Variants in ATRNL1 observed in about 807,000 individuals in gnomAD.
The protein encoded by ATRNL1 is attractin like 1.
In ATRNL1, 95 loss-of-function variants were observed where a neutral mutation model predicts 182.7. The ratio of observed to expected loss-of-function variants is 0.52; its 90% CI spans 0.44 to 0.62. The LOEUF (loss-of-function observed/expected upper bound fraction) is 0.62. Among genes scored for constraint, ATRNL1 ranks in the 20% least tolerant of loss-of-function variants. The probability of loss-of-function intolerance (pLI) is 0.00; values close to 1 mark genes in which losing one functional copy is unlikely to be tolerated. For synonymous variants in ATRNL1, 576 were observed against 568.3 expected (o/e 1.01, Z -0.19); for missense variants, 1,471 against 1,679.5 (o/e 0.88, Z 2.17).
At chr10:115,872,673 C>G (rs1214650000) in intron 28 of ATRNL1, among the ~76,000 whole-genome samples, 7 of 152,166 alleles carry the variant, frequency 4.6e-5, no homozygotes, top group Admixed American at 4.6e-4. Context: ...GGTGAAGAAG[C>G]AGTGGACTGT....
chr10:115,339,786 T>A (rs114617327), intron 19 of ATRNL1, among the ~76,000 whole-genome samples: 1,965 of 152,284 alleles, frequency 0.013, 36 homozygotes, highest in African/African-American at 0.044. Flanking sequence ...TTCCAGATTT[T>A]AGAAGAAAGC....
At chr10:115,603,854 T>A (rs1856742890) in intron 26 of ATRNL1, among the ~76,000 whole-genome samples, 1 of 152,212 alleles carries the variant, frequency 6.6e-6, no homozygotes, top group Non-Finnish European at 1.5e-5. Context: ...GGCAACAGAT[T>A]CTTTCCACTT....
rs540062606 is a variant in ATRNL1, at chr10:115,343,218, T to A, written c.3175+8799T>A. Among the ~76,000 whole-genome samples, 7 of 152,284 alleles carry A rather than the reference T, an allele frequency of 4.6e-5. No homozygotes were observed. The East Asian group carries it at 1.4e-3, about 29-fold the overall frequency. On this transcript the variant is annotated intron_variant, in intron 19 of 28. Coordinates refer to ENST00000355044, the MANE Select transcript of ATRNL1 (RefSeq NM_207303.4). Reference sequence around the variant, plus strand: ...CCCCTTTGAATAAACTTTCTACCCTTATCTGTTTCACTTCTTCCTTTTTAA... The same window carrying A: ...CCCCTTTGAATAAACTTTCTACCCTAATCTGTTTCACTTCTTCCTTTTTAA...
chr10:115,103,240 T>G (rs564596527), intron 1 of ATRNL1, among the ~76,000 whole-genome samples: 6 of 152,254 alleles, frequency 3.9e-5, no homozygotes, highest in African/African-American at 1.4e-4. Context: ...GGTTTCGCCA[T>G]GTTGGCTAGG....
chr10:115,161,829 A>G (rs1421378990), intron 6 of ATRNL1, among the ~76,000 whole-genome samples: 1 of 152,074 alleles, frequency 6.6e-6, no homozygotes, highest in Non-Finnish European at 1.5e-5. Flanking sequence ...GTTCAATTGT[A>G]GGTAAGGATA....
At chr10:115,286,490 C>A in intron 15 of ATRNL1, 93 bp downstream of exon 15, 3 of 720,870 alleles carry the variant, frequency 4.2e-6, no homozygotes, top group Non-Finnish European at 6.3e-6. Context: ...ATTATTGTTG[C>A]TAATTTTGGA....
At chr10:115,729,907 C>T (rs1947737016) in intron 27 of ATRNL1, among the ~76,000 whole-genome samples, 1 of 151,816 alleles carries the variant, frequency 6.6e-6, no homozygotes, top group South Asian at 2.1e-4. Context: ...TAGTTGTTTG[C>T]TCATGCATTT....
At chr10:115,164,516 G>A (rs999844041) in intron 6 of ATRNL1, among the ~76,000 whole-genome samples, 3 of 152,078 alleles carry the variant, frequency 2.0e-5, no homozygotes, top group African/African-American at 7.2e-5. Context: ...ATATCAAAGC[G>A]ATATCTGCAC....
At chr10:115,718,880 A>G (rs1555056995) in intron 26 of ATRNL1, among the ~76,000 whole-genome samples, 1 of 152,222 alleles carries the variant, frequency 6.6e-6, no homozygotes, top group Non-Finnish European at 1.5e-5. Flanking sequence ...CACATGGTTC[A>G]GAAGAGTCTC....
chr10:115,324,876 T>A (rs1854788882), intron 18 of ATRNL1, among the ~76,000 whole-genome samples: 1 of 152,156 alleles, frequency 6.6e-6, no homozygotes, highest in Admixed American at 6.5e-5. Context: ...TAAAATTTGG[T>A]CGCTAGCTCA....
chr10:115,533,538 C>T (rs1330560246), intron 25 of ATRNL1, among the ~76,000 whole-genome samples: 1 of 151,888 alleles, frequency 6.6e-6, no homozygotes, highest in African/African-American at 2.4e-5. Context: ...TTTTGTTGAT[C>T]CTTTCAAAAA....
chr10:115,095,783 G>A (rs1554862977), intron 1 of ATRNL1, among the ~76,000 whole-genome samples: 1 of 152,082 alleles, frequency 6.6e-6, no homozygotes, highest in African/African-American at 2.4e-5. Context: ...TTTTGAACAT[G>A]TAAACTGGTA....
At chr10:115,441,079 A>C (rs200070995) in intron 21 of ATRNL1, among the ~76,000 whole-genome samples, 1 of 151,632 alleles carries the variant, frequency 6.6e-6, no homozygotes, top group Non-Finnish European at 1.5e-5. Context: ...GGAAAGAATA[A>C]CTCTGTTCCT....
chr10:115,506,443 G>A (rs1280961575), intron 24 of ATRNL1, among the ~76,000 whole-genome samples: 1 of 151,966 alleles, frequency 6.6e-6, no homozygotes, highest in East Asian at 1.9e-4. Flanking sequence ...ACTTAGCCAA[G>A]ACAAAACCCC....
chr10:115,128,381 A>G (rs1269577847), intron 4 of ATRNL1: 9 of 375,690 alleles, frequency 2.4e-5, no homozygotes, highest in Non-Finnish European at 3.3e-5. Context: ...GAGGAAGTCT[A>G]TATATTATTT....
At chr10:115,230,115 T>C (rs1849862093) in intron 9 of ATRNL1, among the ~76,000 whole-genome samples, 1 of 152,218 alleles carries the variant, frequency 6.6e-6, no homozygotes, top group African/African-American at 2.4e-5. Context: ...TTTTAAATTT[T>C]GCATAAATTG....
chr10:115,856,451 G>C (rs1222351582), intron 28 of ATRNL1, among the ~76,000 whole-genome samples: 16 of 14,322 alleles, frequency 1.1e-3, no homozygotes, highest in South Asian at 2.1e-3. Context: ...AAAAAAAAAA[G>C]CCATACATAC....
At chr10:115,711,458 A>G (rs933845142) in intron 26 of ATRNL1, among the ~76,000 whole-genome samples, 5 of 152,168 alleles carry the variant, frequency 3.3e-5, no homozygotes, top group African/African-American at 9.6e-5. Flanking sequence ...GAGAGTATCT[A>G]TGGAAAATTC....
chr10:115,298,190 G>T (rs1163102111), intron 15 of ATRNL1, among the ~76,000 whole-genome samples: 1 of 151,836 alleles, frequency 6.6e-6, no homozygotes, highest in Non-Finnish European at 1.5e-5. Context: ...CCCTTTTTTG[G>T]CAAATAAAGA....
Sources: gnomAD v4.1 joint callset for allele counts (sites outside exome capture counted in the v4.1 genomes callset) on GRCh38, gnomAD v4.1.1 for gene constraint, MANE v1.5 for transcripts, NCBI Gene and HGNC (gene_info 2026-07-23, HGNC 2026-07-21) for gene names.